ZNF883: variants seen among roughly 807,000 people sequenced by gnomAD.
ZNF883 encodes zinc finger protein 883.
downstream of ZNF883, among the ~76,000 whole-genome samples, chr9:112,995,357 G>A (rs1250965177): frequency 6.9e-6 from 1 of 144,768 alleles, no homozygotes; most frequent in African/African-American, 2.5e-5. Flanking sequence ...CTTTACCATC[G>A]GCTCTCCTGA....
chr9:112,990,310 G>GT (rs1828289902), intron 1 of ZNF883, among the ~76,000 whole-genome samples: 1 of 152,074 alleles, frequency 6.6e-6, no homozygotes. Flanking sequence ...TTTATTGAGA[G>GT]TTTTTAACAT....
intron 1 of ZNF883, among the ~76,000 whole-genome samples, chr9:112,990,184 G>T (rs953752348): frequency 6.6e-6 from 1 of 152,132 alleles, no homozygotes; most frequent in Non-Finnish European, 1.5e-5. Flanking sequence ...GGACATCCTT[G>T]TCTTGTGCTG....
chr9:112,998,091 C>T (rs1285268626), exon 1 of ZNF883: 4 of 1,613,856 alleles, frequency 2.5e-6, no homozygotes, highest in East Asian at 2.2e-5. Flanking sequence ...TGATGTTGAA[C>T]AAGATTACTG....
chr9:112,996,360 A>T (rs1473180817), downstream of ZNF883, among the ~76,000 whole-genome samples: 1 of 152,218 alleles, frequency 6.6e-6, no homozygotes, highest in Non-Finnish European at 1.5e-5. Context: ...TATTAATGAA[A>T]TCTGTCAATT....
At chr9:113,000,489 CA>C (rs1828412091), upstream of ZNF883, among the ~76,000 whole-genome samples, 1 of 151,810 alleles carries the variant, frequency 6.6e-6, no homozygotes, top group Admixed American at 6.6e-5. Flanking sequence ...TCAAACTTAG[CA>C]AGAAAGTATA....
chr9:113,007,968 T>C (rs775323166), intron 2 of ZNF883, among the ~76,000 whole-genome samples: 2 of 152,122 alleles, frequency 1.3e-5, no homozygotes, highest in Non-Finnish European at 2.9e-5. Context: ...ATTAGTCAAA[T>C]TCATAGAGGG....
upstream of ZNF883, among the ~76,000 whole-genome samples, chr9:113,002,241 G>A (rs996817083): frequency 1.3e-5 from 2 of 152,162 alleles, no homozygotes; most frequent in African/African-American, 4.8e-5. Context: ...ATTATTTGAT[G>A]TCTACTACTT....
downstream of ZNF883, chr9:112,996,971 T>C: frequency 1.5e-6 from 1 of 658,680 alleles, no homozygotes; most frequent in Non-Finnish European, 2.4e-6. Flanking sequence ...ATTATAAGCA[T>C]AGTCCTTCTT....
chr9:112,997,436 C>T (rs1828373323), exon 1 of ZNF883: 1 of 1,614,054 alleles, frequency 6.2e-7, no homozygotes, highest in Non-Finnish European at 8.5e-7. Flanking sequence ...TGTACTTCGA[C>T]TGAAGGTTTT....
downstream of ZNF883, among the ~76,000 whole-genome samples, chr9:112,993,332 T>C (rs538486190): frequency 3.1e-4 from 47 of 152,342 alleles, no homozygotes; most frequent in African/African-American, 1.1e-3. Context: ...TCCACTCCCA[T>C]AGGGCTACTG....
chr9:112,989,841 T>C (rs1467014122), intron 1 of ZNF883, among the ~76,000 whole-genome samples: 3 of 152,186 alleles, frequency 2.0e-5, no homozygotes, highest in Non-Finnish European at 1.5e-5. Context: ...TCACTTCCCT[T>C]GTTATCTGTA....
At chr9:112,991,993 C>T (rs923881227) in intron 1 of ZNF883, among the ~76,000 whole-genome samples, 4 of 152,152 alleles carry the variant, frequency 2.6e-5, no homozygotes, top group African/African-American at 9.7e-5. Flanking sequence ...TGAGATGAGT[C>T]TCTTGAATAC....
upstream of ZNF883, chr9:112,998,275 G>T: frequency 6.8e-7 from 1 of 1,480,932 alleles, no homozygotes; most frequent in Non-Finnish European, 9.0e-7. Context: ...CTGAACTATG[G>T]CTTTACATTT....
downstream of ZNF883, among the ~76,000 whole-genome samples, chr9:112,993,240 A>G (rs1408539236): frequency 5.9e-5 from 9 of 152,020 alleles, no homozygotes; most frequent in South Asian, 1.7e-3. Flanking sequence ...GAGGCTGCTG[A>G]CCTTTGGATA....
At chr9:112,999,599 C>T (rs1828402529), upstream of ZNF883, 2 of 152,180 alleles carry the variant, frequency 1.3e-5, no homozygotes, top group South Asian at 4.1e-4. Context: ...TTCCTATAAC[C>T]CCTCTTTCTC....
chr9:112,997,748 T>C (rs758834035), exon 1 of ZNF883: 24 of 1,613,848 alleles, frequency 1.5e-5, no homozygotes, highest in Non-Finnish European at 2.0e-5. Flanking sequence ...AATTCCCTGA[T>C]GTTCAATTAG....
At chr9:113,008,462 C>T (rs568118647) in intron 2 of ZNF883, among the ~76,000 whole-genome samples, 3 of 151,986 alleles carry the variant, frequency 2.0e-5, no homozygotes, top group Non-Finnish European at 4.4e-5. Flanking sequence ...TAGTTTTGAT[C>T]CAATGGAATT....
At chr9:112,994,346 T>C (rs1469325994), downstream of ZNF883, among the ~76,000 whole-genome samples, 1 of 151,460 alleles carries the variant, frequency 6.6e-6, no homozygotes, top group Non-Finnish European at 1.5e-5. Flanking sequence ...TCACTCTCCA[T>C]GGGTCATGCC....
At chr9:112,998,331 C>A, upstream of ZNF883, 1 of 1,197,968 alleles carries the variant, frequency 8.3e-7, no homozygotes, top group Non-Finnish European at 1.1e-6. Context: ...GTTGGCTTTT[C>A]ATTTATTTCC....
Sources: gnomAD v4.1 joint callset for allele counts (sites outside exome capture counted in the v4.1 genomes callset) on GRCh38, gnomAD v4.1.1 for gene constraint, MANE v1.5 for transcripts, NCBI Gene and HGNC (gene_info 2026-07-23, HGNC 2026-07-21) for gene names.